Variants in SUCLG1 observed in about 807,000 individuals in gnomAD.
The protein encoded by SUCLG1 is succinate--CoA ligase [ADP/GDP-forming] subunit alpha, mitochondrial.
A neutral mutation model predicts 37.3 loss-of-function variants in SUCLG1; 26 were observed. The observed-to-expected ratio is 0.70, with a 90% confidence interval of 0.51 to 0.97. The LOEUF is 0.97. SUCLG1 is among the 50% of genes least tolerant of loss of function. The probability of loss-of-function intolerance (pLI) is 0.00; values close to 1 mark genes in which losing one functional copy is unlikely to be tolerated. For synonymous variants in SUCLG1, 163 were observed against 155.6 expected (o/e 1.05, Z -0.36); for missense variants, 433 against 432.9 (o/e 1.00, Z 0.00).
At chr2:84,434,286 C>G (rs1156784782) in intron 5 of SUCLG1, among the ~76,000 whole-genome samples, 1 of 152,188 alleles carries the variant, frequency 6.6e-6, no homozygotes, top group Admixed American at 6.5e-5. Flanking sequence ...CCTATCTTCT[C>G]CACAACTATT....
chr2:84,431,495 A>T lies in SUCLG1; in HGVS notation c.825+13T>A, dbSNP rs1328640529. On this transcript the variant is annotated intron_variant, in intron 7 of 8. Transcript: ENST00000393868. ...AAGAGCAAAGAGCTATGTTTTTCCA[A>T]ACCCAAACTTACTGAATTATGTTGC... is the stretch of plus-strand genomic sequence containing the variant. The T allele has an allele frequency of 6.2e-7, 1 of 1,613,880 alleles. No individual in the cohort carries two copies.
At chr2:84,441,516 T>C in intron 3 of SUCLG1, 57 bp from the exon 4 acceptor site, 1 of 1,524,688 alleles carries the variant, frequency 6.6e-7, no homozygotes, top group South Asian at 1.2e-5. Flanking sequence ...CATTGTAAAA[T>C]AAATTCAATA....
intron 2 of SUCLG1, chr2:84,448,805 T>C (rs879157646): frequency 3.3e-4 from 61 of 186,420 alleles, no homozygotes. Flanking sequence ...GGATTGTATA[T>C]ATATTATATG....
At chr2:84,432,321 G>A (rs1672624588) in intron 6 of SUCLG1, 1 of 152,344 alleles carries the variant, frequency 6.6e-6, no homozygotes, top group African/African-American at 2.4e-5. Context: ...AACTTACTGA[G>A]GGCAGGATTG....
At chr2:84,444,858 GA>G (rs1672825767) in intron 2 of SUCLG1, among the ~76,000 whole-genome samples, 1 of 152,152 alleles carries the variant, frequency 6.6e-6, no homozygotes, top group African/African-American at 2.4e-5. Context: ...ATTTGCTTTT[GA>G]AAAAATATGG....
chr2:84,425,108 A>C (rs778193161), intron 8 of SUCLG1, among the ~76,000 whole-genome samples: 20 of 152,200 alleles, frequency 1.3e-4, no homozygotes, highest in Non-Finnish European at 2.8e-4. Flanking sequence ...CTACCTTCCA[A>C]ACTCTCAAAA....
chr2:84,423,989 G>A (rs1484151804), intron 8 of SUCLG1, among the ~76,000 whole-genome samples: 5 of 152,210 alleles, frequency 3.3e-5, no homozygotes, highest in Non-Finnish European at 5.9e-5. Flanking sequence ...CGAAACAGAT[G>A]CAGAGCTTCA....
chr2:84,440,409 A>G (rs1386946074), intron 5 of SUCLG1, among the ~76,000 whole-genome samples: 1 of 152,306 alleles, frequency 6.6e-6, no homozygotes, highest in South Asian at 2.1e-4. Flanking sequence ...ATCTTTGTGA[A>G]GATATGGAGC....
At chr2:84,434,813 C>A (rs371133221) in intron 5 of SUCLG1, among the ~76,000 whole-genome samples, 16 of 152,314 alleles carry the variant, frequency 1.1e-4, no homozygotes, top group African/African-American at 3.8e-4. Context: ...TTATTGTATA[C>A]TAATGCGTAC....
intron 5 of SUCLG1, 130 bp downstream of exon 5, chr2:84,440,917 A>G: frequency 1.1e-6 from 1 of 888,654 alleles, no homozygotes; most frequent in Non-Finnish European, 1.8e-6. Context: ...AGACTACAAA[A>G]CTTCCCTGGT....
At chr2:84,450,602 T>A (rs1406685259) in intron 1 of SUCLG1, among the ~76,000 whole-genome samples, 1 of 152,180 alleles carries the variant, frequency 6.6e-6, no homozygotes, top group African/African-American at 2.4e-5. Context: ...CTGTGGCCCA[T>A]CCCTGGCCCT....
chr2:84,434,354 G>A (rs1269952610), intron 5 of SUCLG1, among the ~76,000 whole-genome samples: 1 of 152,082 alleles, frequency 6.6e-6, no homozygotes, highest in African/African-American at 2.4e-5. Context: ...GAAAACTGGG[G>A]AATAAGGTCA....
intron 8 of SUCLG1, among the ~76,000 whole-genome samples, chr2:84,424,547 A>T (rs2104235646): frequency 6.6e-6 from 1 of 152,346 alleles, no homozygotes; most frequent in Non-Finnish European, 1.5e-5. Flanking sequence ...CACTTTATTT[A>T]TCTCTAAGAC....
intron 7 of SUCLG1, chr2:84,425,873 G>A (rs757066318): frequency 2.7e-4 from 129 of 470,120 alleles, no homozygotes; most frequent in South Asian, 5.1e-4. Flanking sequence ...TACACATGAC[G>A]CTATCATTTG....
rs144393815 is a variant in SUCLG1 at position 84,454,424 on chromosome 2, G to A, written c.98-4672C>T. Among the ~76,000 whole-genome samples the A allele has an allele frequency of 6.9e-3, 1,048 of 152,302 alleles. 11 individuals are homozygous for A. The highest frequency in any genetic ancestry group is 0.023 in the African/African-American group (960 of 41,536). On this transcript the variant is annotated intron_variant, in intron 1 of 8. Transcript: ENST00000393868. ...AGTAATATATAAAGCATTTAAAACA[G>A]ATACAGCAAGTGTTATATCCCTAAG...
At chr2:84,440,321 C>T (rs894217033) in intron 5 of SUCLG1, among the ~76,000 whole-genome samples, 1 of 152,112 alleles carries the variant, frequency 6.6e-6, no homozygotes, top group African/African-American at 2.4e-5. Flanking sequence ...GGGGGTAAGC[C>T]GAGATCGAGC....
At position 84,449,762 on chromosome 2, in the gene SUCLG1, TAAAA is replaced by T. The variant is rs56733272; in HGVS notation, c.98-14_98-11del. On this transcript the variant is annotated splice_polypyrimidine_tract_variant and intron_variant, in intron 1 of 8. Transcript: ENST00000393868. Reference sequence around the variant, plus strand: ...ATTCCATTCTGCGGCACTAAGAGGTTAAAAAAAAAAAAAAAAAAAAAAAAAGACA... The same window carrying T: ...ATTCCATTCTGCGGCACTAAGAGGTTAAAAAAAAAAAAAAAAAAAAAGACA... The T allele has an allele frequency of 0.21, 161,601 of 783,810 alleles. 402 individuals are homozygous for T. Among genetic ancestry groups the T allele is most frequent in the Non-Finnish European group, 0.22 (120,751 of 538,848 alleles). 48.6% of individuals were successfully genotyped at this position (783,810 alleles called of 1,614,324 possible).
intron 3 of SUCLG1, 129 bp from the exon 4 acceptor site, chr2:84,441,588 C>A: frequency 2.8e-6 from 3 of 1,079,194 alleles, no homozygotes; most frequent in Non-Finnish European, 4.1e-6. Context: ...TAGCATTCTT[C>A]CCATTCTCAA....
chr2:84,438,416 C>T (rs1350637690), intron 5 of SUCLG1, among the ~76,000 whole-genome samples: 12 of 152,118 alleles, frequency 7.9e-5, no homozygotes, highest in Admixed American at 4.6e-4. Context: ...TCACTTTCTT[C>T]GATAACACTC....
Sources: gnomAD v4.1 joint callset for allele counts (sites outside exome capture counted in the v4.1 genomes callset) on GRCh38, gnomAD v4.1.1 for gene constraint, MANE v1.5 for transcripts, NCBI Gene and HGNC (gene_info 2026-07-23, HGNC 2026-07-21) for gene names.